Variants in MAP2K3 observed in about 807,000 individuals in gnomAD.
MAP2K3 encodes mitogen-activated protein kinase kinase 3.
MAP2K3 carries 30 observed loss-of-function variants against 46.4 expected under a neutral mutation model. That is an observed-to-expected ratio of 0.65 (90% CI 0.48 to 0.88). MAP2K3 has a LOEUF of 0.88. Among genes scored for constraint, MAP2K3 ranks in the 40% least tolerant of loss-of-function variants. The pLI is 0.00. For missense variants in MAP2K3, 380 were observed against 464.5 expected, an observed-to-expected ratio of 0.82 and a Z score of 1.67; for synonymous variants, 189 against 176.3, an observed-to-expected ratio of 1.07 and a Z score of -0.57.
rs73302005 is a variant in MAP2K3, at chr17:21,310,261, G to C, written c.775-1881G>C. Among the ~76,000 whole-genome samples, 23 of 152,088 alleles carry C rather than the reference G, an allele frequency of 1.5e-4. No individual in the cohort carries two copies. The South Asian group carries it at 4.4e-3, about 29-fold the overall frequency. Reference sequence around the variant, plus strand: ...CGACCTCAAGTGATCTGCCTGCCTCGGCCTCCCAAAGTGCTTGGATTATAG... The same window carrying C: ...CGACCTCAAGTGATCTGCCTGCCTCCGCCTCCCAAAGTGCTTGGATTATAG... On this transcript the variant is annotated intron_variant, in intron 9 of 11. Transcript: ENST00000342679.
chr17:21,310,279 G>C, intron 9 of MAP2K3, among the ~76,000 whole-genome samples: 1 of 151,884 alleles, frequency 6.6e-6, no homozygotes, highest in Non-Finnish European at 1.5e-5. Context: ...AAAGTGCTTG[G>C]ATTATAGGTG....
chr17:21,290,507 T>A (rs1975860672), intron 1 of MAP2K3, among the ~76,000 whole-genome samples: 1 of 152,310 alleles, frequency 6.6e-6, no homozygotes, highest in South Asian at 2.1e-4. Context: ...CTAGGCCAGC[T>A]CCCTACCTAC....
intron 1 of MAP2K3, among the ~76,000 whole-genome samples, chr17:21,293,049 A>T (rs1214383425): frequency 6.6e-6 from 1 of 152,310 alleles, no homozygotes; most frequent in Non-Finnish European, 1.5e-5. Flanking sequence ...CACGCAGAGG[A>T]CACCCCAGGA....
intron 1 of MAP2K3, chr17:21,296,321 A>G: frequency 1.6e-6 from 1 of 644,250 alleles, no homozygotes; most frequent in South Asian, 1.6e-5. Flanking sequence ...GCGCCACTCC[A>G]AGCCCAGAGC....
intron 9 of MAP2K3, among the ~76,000 whole-genome samples, chr17:21,307,360 G>A (rs1976940487): frequency 2.0e-5 from 3 of 152,414 alleles, no homozygotes; most frequent in Admixed American, 6.5e-5. Context: ...ATGCCACGGG[G>A]GTGGAGAAGA....
chr17:21,285,178 C>A, intron 1 of MAP2K3: 1 of 945,060 alleles, frequency 1.1e-6, no homozygotes, highest in Non-Finnish European at 1.3e-6. Context: ...GGACTGCACT[C>A]AGGCCCGAGA....
At chr17:21,296,339 G>A (rs1052572703) in intron 1 of MAP2K3, 22 of 495,630 alleles carry the variant, frequency 4.4e-5, no homozygotes, top group Non-Finnish European at 6.4e-5. Flanking sequence ...AGCCTCAGAA[G>A]TTCAGAGACT....
chr17:21,293,193 G>A (rs887473745), intron 1 of MAP2K3, among the ~76,000 whole-genome samples: 38 of 152,358 alleles, frequency 2.5e-4, no homozygotes, highest in Middle Eastern at 3.4e-3. Flanking sequence ...GACCCAGACC[G>A]GTGAGGTCTG....
At chr17:21,298,799 C>T (rs1976417616) in intron 2 of MAP2K3, 79 bp from the exon 3 acceptor site, 2 of 1,606,614 alleles carry the variant, frequency 1.2e-6, no homozygotes, top group Non-Finnish European at 1.7e-6. Context: ...ACGCCAGGCC[C>T]CACACTGGCC....
At chr17:21,309,276 C>T (rs1293550921) in intron 9 of MAP2K3, among the ~76,000 whole-genome samples, 1 of 152,426 alleles carries the variant, frequency 6.6e-6, no homozygotes, top group South Asian at 2.1e-4. Context: ...ACTTCTGCCT[C>T]ATTGTGTTGG....
At chr17:21,311,592 G>T (rs577748896) in intron 9 of MAP2K3, 1 of 149,696 alleles carries the variant, frequency 6.7e-6, no homozygotes, top group Non-Finnish European at 1.5e-5. Flanking sequence ...CACTCTGTCC[G>T]CGGCCTTGGA....
At chr17:21,285,083 G>C in intron 1 of MAP2K3, 114 bp downstream of exon 1, 1 of 1,420,748 alleles carries the variant, frequency 7.0e-7, no homozygotes, top group Non-Finnish European at 9.5e-7. Flanking sequence ...TGGCAGCGGC[G>C]TCCGGTCCCG....
intron 3 of MAP2K3, 21 bp downstream of exon 3, chr17:21,298,947 C>T: frequency 1.2e-6 from 2 of 1,613,602 alleles, no homozygotes; most frequent in East Asian, 2.2e-5. Flanking sequence ...GCCGCCACCC[C>T]TGCAGGGCCT....
chr17:21,294,440 G>GGTCT (rs1976124920), intron 1 of MAP2K3, among the ~76,000 whole-genome samples: 1 of 152,310 alleles, frequency 6.6e-6, no homozygotes, highest in South Asian at 2.1e-4. Context: ...TTGTCATCTT[G>GGTCT]CCCCTGTGGG....
intron 9 of MAP2K3, among the ~76,000 whole-genome samples, chr17:21,307,602 ACG>A: frequency 6.6e-6 from 1 of 151,388 alleles, no homozygotes; most frequent in East Asian, 1.9e-4. Context: ...TAGAGAGTTG[ACG>A]CAGGTGTTGT....
At chr17:21,302,046 G>T in intron 5 of MAP2K3, 97 bp from the exon 6 acceptor site, 1 of 1,067,280 alleles carries the variant, frequency 9.4e-7, no homozygotes, top group South Asian at 1.3e-5. Context: ...ACGTCGGAGA[G>T]GGGGCTGGGG....
intron 9 of MAP2K3, among the ~76,000 whole-genome samples, chr17:21,309,113 C>T (rs1430452415): frequency 6.6e-6 from 1 of 152,312 alleles, no homozygotes; most frequent in African/African-American, 2.4e-5. Context: ...ACATGGGCCT[C>T]CTCTGCCTGG....
intron 1 of MAP2K3, chr17:21,287,854 G>C (rs758086357): frequency 2.6e-6 from 1 of 380,026 alleles, no homozygotes; most frequent in Non-Finnish European, 5.3e-6. Flanking sequence ...CTGACTGCCC[G>C]ATGGTGACAC....
intron 1 of MAP2K3, among the ~76,000 whole-genome samples, chr17:21,286,318 G>A (rs1313891701): frequency 6.6e-6 from 1 of 152,240 alleles, no homozygotes; most frequent in East Asian, 1.9e-4. Context: ...CCTAGCAGCG[G>A]GCACCTAGTG....
Sources: allele counts gnomAD v4.1 joint callset (sites outside exome capture counted in the v4.1 genomes callset), GRCh38; gene constraint gnomAD v4.1.1; transcripts MANE v1.5; gene names NCBI Gene and HGNC (gene_info 2026-07-23, HGNC 2026-07-21).